Variants in ZCCHC7 observed in about 807,000 individuals in gnomAD.
ZCCHC7 encodes the protein zinc finger CCHC domain-containing protein 7.
ZCCHC7 carries 35 observed loss-of-function variants against 52.0 expected under a neutral mutation model. That is an observed-to-expected ratio of 0.67 (90% confidence interval 0.51 to 0.89). ZCCHC7 has a LOEUF of 0.89. Ranked by LOEUF, ZCCHC7 falls within the 40% of genes least tolerant of loss-of-function variation. The probability of loss-of-function intolerance (pLI) is 0.00; values close to 1 mark genes in which losing one functional copy is unlikely to be tolerated. For missense variants in ZCCHC7, 574 were observed against 649.1 expected (o/e 0.88, Z 1.26); for synonymous variants, 217 against 221.5 (o/e 0.98, Z 0.18).
At chr9:37,213,324 G>A (rs1824337599) in intron 2 of ZCCHC7, among the ~76,000 whole-genome samples, 1 of 152,072 alleles carries the variant, frequency 6.6e-6, no homozygotes, top group Non-Finnish European at 1.5e-5. Flanking sequence ...AATAGTTTTA[G>A]CTAAAATGAC....
intron 5 of ZCCHC7, among the ~76,000 whole-genome samples, chr9:37,315,695 C>T (rs929191937): frequency 6.6e-6 from 1 of 150,510 alleles, no homozygotes; most frequent in African/African-American, 2.4e-5. Context: ...CTTTTTTAAG[C>T]CCATTATATT....
intron 2 of ZCCHC7, among the ~76,000 whole-genome samples, chr9:37,205,605 C>T (rs1031886112): frequency 6.6e-6 from 1 of 152,240 alleles, no homozygotes; most frequent in African/African-American, 2.4e-5. Flanking sequence ...CAACCTCCAC[C>T]TCTCAGGTTC....
At chr9:37,337,198 A>G (rs1830711044) in intron 6 of ZCCHC7, among the ~76,000 whole-genome samples, 1 of 152,288 alleles carries the variant, frequency 6.6e-6, no homozygotes, top group Non-Finnish European at 1.5e-5. Context: ...AGATTAAAAA[A>G]CAGCACTAAA....
At chr9:37,225,640 A>G (rs1478565039) in intron 2 of ZCCHC7, among the ~76,000 whole-genome samples, 1 of 152,246 alleles carries the variant, frequency 6.6e-6, no homozygotes, top group Non-Finnish European at 1.5e-5. Context: ...TAACGTGAAA[A>G]TTAAGCAACA....
chr9:37,338,981 A>G (rs1355748673), intron 6 of ZCCHC7, among the ~76,000 whole-genome samples: 1 of 152,314 alleles, frequency 6.6e-6, no homozygotes, highest in African/African-American at 2.4e-5. Flanking sequence ...ACATGTTTCA[A>G]AAATCTGCCT....
chr9:37,252,097 A>G (rs1430413784), intron 2 of ZCCHC7, among the ~76,000 whole-genome samples: 1 of 152,162 alleles, frequency 6.6e-6, no homozygotes, highest in Non-Finnish European at 1.5e-5. Flanking sequence ...TATAAACTAT[A>G]CCAAATTTTT....
chr9:37,312,754 A>G (rs959980807), intron 5 of ZCCHC7, among the ~76,000 whole-genome samples: 1 of 152,216 alleles, frequency 6.6e-6, no homozygotes, highest in Non-Finnish European at 1.5e-5. Flanking sequence ...GAGACCCTAT[A>G]TCTACAAAAA....
rs2118735876 is a variant in ZCCHC7 at position 37,357,422 on chromosome 9, A to G, written c.*154A>G. 2 of 617,562 alleles carry G rather than the reference A, an allele frequency of 3.2e-6. No homozygotes were observed. The highest frequency in any genetic ancestry group is 5.2e-6 in the Non-Finnish European group (2 of 388,026). The allele number at this position is 617,562 out of a possible 1,614,324, so 38.3% of individuals were successfully genotyped here. Reference sequence around the variant, plus strand: ...CCATTCCTAGAGTTACTGAATATCCATGGAGATCTCAATTCTCTGTGTCCA... The same window carrying G: ...CCATTCCTAGAGTTACTGAATATCCGTGGAGATCTCAATTCTCTGTGTCCA... On this transcript the variant is annotated 3_prime_UTR_variant, in exon 9 of 9. Transcript: ENST00000336755.
chr9:37,353,594 T>G (rs1821522034), intron 7 of ZCCHC7, among the ~76,000 whole-genome samples: 1 of 152,204 alleles, frequency 6.6e-6, no homozygotes, highest in Non-Finnish European at 1.5e-5. Flanking sequence ...AGTAATACTT[T>G]ATTCTTGGGG....
intron 3 of ZCCHC7, 52 bp downstream of exon 3, chr9:37,302,283 A>G (rs1280189352): frequency 1.4e-6 from 2 of 1,427,632 alleles, no homozygotes; most frequent in Non-Finnish European, 2.0e-6. Context: ...TTTGCTTCAT[A>G]GTTTATTATG....
At chr9:37,349,948 C>T in intron 7 of ZCCHC7, among the ~76,000 whole-genome samples, 1 of 151,778 alleles carries the variant, frequency 6.6e-6, no homozygotes, top group African/African-American at 2.4e-5. Context: ...CCACCACACC[C>T]AGCTAATTTT....
intron 2 of ZCCHC7, among the ~76,000 whole-genome samples, chr9:37,138,127 C>T (rs184209617): frequency 6.6e-6 from 1 of 152,296 alleles, no homozygotes; most frequent in Admixed American, 6.5e-5. Flanking sequence ...TCACCTTACA[C>T]TTAACTATTG....
chr9:37,173,867 T>C (rs1038872), intron 2 of ZCCHC7, among the ~76,000 whole-genome samples: 6,128 of 152,250 alleles, frequency 0.04, 392 homozygotes, highest in African/African-American at 0.13. Flanking sequence ...GCAGAAATTA[T>C]GGTTTATTGT....
chr9:37,221,517 G>A (rs1824809866), intron 2 of ZCCHC7, among the ~76,000 whole-genome samples: 1 of 152,174 alleles, frequency 6.6e-6, no homozygotes, highest in African/African-American at 2.4e-5. Flanking sequence ...ACAAAGTGTG[G>A]AACATTTTAA....
intron 2 of ZCCHC7, among the ~76,000 whole-genome samples, chr9:37,236,761 G>A (rs568011029): frequency 6.3e-4 from 96 of 152,266 alleles, no homozygotes; most frequent in African/African-American, 1.8e-3. Flanking sequence ...CCCATACACG[G>A]CACAGTGCAG....
chr9:37,296,601 A>T (rs1176013483), intron 2 of ZCCHC7, among the ~76,000 whole-genome samples: 5 of 150,562 alleles, frequency 3.3e-5, no homozygotes, highest in Admixed American at 3.3e-4. Context: ...TTTTTTTCCG[A>T]ATCTCTAACC....
chr9:37,239,338 CT>C (rs1452993653), intron 2 of ZCCHC7, among the ~76,000 whole-genome samples: 3 of 151,830 alleles, frequency 2.0e-5, no homozygotes, highest in Non-Finnish European at 1.5e-5. Context: ...ATTGATTTTC[CT>C]TTTTGTTGGT....
chr9:37,194,947 C>CTTTTTTTT (rs1169877667), intron 2 of ZCCHC7, among the ~76,000 whole-genome samples: 4 of 133,478 alleles, frequency 3.0e-5, no homozygotes, highest in Non-Finnish European at 4.9e-5. Flanking sequence ...TCTCTTTTTT[C>CTTTTTTTT]TTTTTTTTTT....
At chr9:37,159,105 T>C (rs527380952) in intron 2 of ZCCHC7, among the ~76,000 whole-genome samples, 1 of 152,366 alleles carries the variant, frequency 6.6e-6, no homozygotes, top group South Asian at 2.1e-4. Flanking sequence ...CATTTGTTCA[T>C]ACTTTAACAG....
Sources: gnomAD v4.1 joint callset for allele counts (sites outside exome capture counted in the v4.1 genomes callset) on GRCh38, gnomAD v4.1.1 for gene constraint, MANE v1.5 for transcripts, NCBI Gene and HGNC (gene_info 2026-07-23, HGNC 2026-07-21) for gene names.